KIAA0586: variants seen among roughly 807,000 people sequenced by gnomAD.
The protein encoded by KIAA0586 is protein TALPID3.
KIAA0586 carries 144 observed loss-of-function variants against 169.8 expected under a neutral mutation model. The ratio of observed to expected loss-of-function variants is 0.85; its 90% CI spans 0.74 to 0.97. The LOEUF (loss-of-function observed/expected upper bound fraction) is 0.97. Ranked by LOEUF, KIAA0586 falls within the 50% of genes least tolerant of loss-of-function variation. The pLI is 0.00. For synonymous variants in KIAA0586, 625 were observed against 612.4 expected (o/e 1.02, Z -0.30); for missense variants, 1,854 against 1,823.0 (o/e 1.02, Z -0.31).
intron 29 of KIAA0586, among the ~76,000 whole-genome samples, chr14:58,530,857 TA>T (rs2045913508): frequency 6.6e-6 from 1 of 152,040 alleles, no homozygotes; most frequent in African/African-American, 2.4e-5. Flanking sequence ...CTAATTAAAC[TA>T]AAGAGCTTCT....
chr14:58,544,405 G>A (rs1300876932), intron 30 of KIAA0586, among the ~76,000 whole-genome samples: 5 of 152,068 alleles, frequency 3.3e-5, no homozygotes, highest in Admixed American at 6.6e-5. Context: ...TTGCTGGGTC[G>A]AATGGTAGTT....
intron 21 of KIAA0586, among the ~76,000 whole-genome samples, chr14:58,483,709 T>C (rs565935441): frequency 2.0e-5 from 3 of 152,296 alleles, no homozygotes; most frequent in African/African-American, 7.2e-5. Context: ...TTAAAAAGAA[T>C]TTATAATCTA....
the KIAA0586 span, among the ~76,000 whole-genome samples, chr14:58,558,366 A>G: frequency 2.0e-5 from 3 of 152,082 alleles, no homozygotes; most frequent in African/African-American, 7.2e-5. Flanking sequence ...GTAGTTAGAA[A>G]TTTTCAGGTA....
chr14:58,458,391 C>G, intron 11 of KIAA0586, 82 bp from the exon 12 acceptor site: 1 of 726,806 alleles, frequency 1.4e-6, no homozygotes, highest in Non-Finnish European at 2.3e-6. Context: ...AGGTTCACAA[C>G]TAGATAAGAG....
intron 9 of KIAA0586, among the ~76,000 whole-genome samples, chr14:58,454,965 G>A (rs1388001216): frequency 6.6e-6 from 1 of 152,138 alleles, no homozygotes; most frequent in Admixed American, 6.5e-5. Context: ...TTGTATGTTG[G>A]TGTGCTTGAT....
chr14:58,502,057 C>G (rs1414244668), intron 27 of KIAA0586, among the ~76,000 whole-genome samples: 2 of 152,118 alleles, frequency 1.3e-5, no homozygotes, highest in Non-Finnish European at 2.9e-5. Flanking sequence ...GTTAACCAGT[C>G]CATAGGGCCG....
chr14:58,504,764 TC>T (rs1407708832), intron 27 of KIAA0586, among the ~76,000 whole-genome samples: 3 of 152,150 alleles, frequency 2.0e-5, no homozygotes, highest in African/African-American at 7.2e-5. Context: ...CACAGCAAAT[TC>T]AGCACTGTTA....
At position 58,548,632 on chromosome 14, in the gene KIAA0586, G is replaced by C. The variant is rs1428570940; in HGVS notation, c.*700G>C. On this transcript the variant is annotated 3_prime_UTR_variant, in exon 31 of 31. Coordinates refer to ENST00000652326, the MANE Select transcript of KIAA0586 (RefSeq NM_001329943.3). The stretch of plus-strand genomic sequence containing the variant: ...GGTGATAGGAGAGGCTAAGTGATAG[G>C]AATCAAGGATAATCGTGGTTACTAT... 6.6e-6 allele frequency: 1 copy of C among 152,208 alleles called. No individual in the cohort carries two copies. 9.4% of individuals were successfully genotyped at this position (152,208 alleles called of 1,614,324 possible).
intron 29 of KIAA0586, among the ~76,000 whole-genome samples, chr14:58,532,753 G>A (rs2140025754): frequency 6.6e-6 from 1 of 152,134 alleles, no homozygotes; most frequent in Non-Finnish European, 1.5e-5. Flanking sequence ...TTTTTTAATT[G>A]GAATAAATAC....
intron 4 of KIAA0586, among the ~76,000 whole-genome samples, chr14:58,440,757 A>G (rs1032728441): frequency 6.6e-6 from 1 of 152,194 alleles, no homozygotes; most frequent in Non-Finnish European, 1.5e-5. Flanking sequence ...AGAAAGATGA[A>G]TATCATGTAT....
chr14:58,428,474 C>T lies in KIAA0586; in HGVS notation c.199+11C>T, dbSNP rs188598300. On this transcript the variant is annotated intron_variant, in intron 1 of 30. Coordinates refer to ENST00000652326, the MANE Select transcript of KIAA0586 (RefSeq NM_001329943.3). ...ATGGAACATCACGTGGTATGTGATT[C>T]CATGTAGTTTTTCAACCAGTTTTAG... The T allele has an allele frequency of 1.9e-6, 3 of 1,573,994 alleles. No individual in the cohort carries two copies. The highest frequency in any genetic ancestry group is 4.5e-5 in the East Asian group (2 of 44,698).
intron 27 of KIAA0586, among the ~76,000 whole-genome samples, chr14:58,508,224 A>G (rs1047194024): frequency 4.6e-5 from 7 of 152,248 alleles, no homozygotes; most frequent in Non-Finnish European, 8.8e-5. Flanking sequence ...AAAGTATTCT[A>G]TTGACTCTTA....
intron 29 of KIAA0586, among the ~76,000 whole-genome samples, chr14:58,512,918 T>A (rs997493256): frequency 6.6e-5 from 10 of 152,206 alleles, no homozygotes; most frequent in African/African-American, 2.2e-4. Flanking sequence ...TCTTTTTATC[T>A]GTATATAGGT....
chr14:58,507,597 G>A (rs745711613), intron 27 of KIAA0586, among the ~76,000 whole-genome samples: 38 of 151,652 alleles, frequency 2.5e-4, no homozygotes, highest in Admixed American at 1.1e-3. Flanking sequence ...GTGAGAGACA[G>A]TTACAATGAT....
At chr14:58,445,783 CTTTTTTTTTT>C (rs34119416) in intron 6 of KIAA0586, among the ~76,000 whole-genome samples, 1 of 124,792 alleles carries the variant, frequency 8.0e-6, no homozygotes, top group Admixed American at 8.5e-5. Flanking sequence ...TCAGTAAACT[CTTTTTTTTTT>C]TTTTTTTTGA....
At chr14:58,482,971 A>G (rs778877448) in intron 21 of KIAA0586, among the ~76,000 whole-genome samples, 1 of 152,196 alleles carries the variant, frequency 6.6e-6, no homozygotes, top group Non-Finnish European at 1.5e-5. Flanking sequence ...CTATGATTAA[A>G]GTAACGTTTC....
At chr14:58,427,649 G>A, upstream of KIAA0586, 1 of 1,535,670 alleles carries the variant, frequency 6.5e-7, no homozygotes, top group South Asian at 1.2e-5. Context: ...TGAGTTTCTT[G>A]GCGCGCATGC....
chr14:58,530,717 A>G (rs563485118), intron 29 of KIAA0586, among the ~76,000 whole-genome samples: 1 of 152,150 alleles, frequency 6.6e-6, no homozygotes, highest in East Asian at 1.9e-4. Context: ...ACTTAAACAT[A>G]AGACCTAAAA....
At chr14:58,439,516 G>A (rs2038120095) in intron 4 of KIAA0586, among the ~76,000 whole-genome samples, 1 of 152,008 alleles carries the variant, frequency 6.6e-6, no homozygotes, top group Non-Finnish European at 1.5e-5. Context: ...TGTAAAATTA[G>A]GAAATTAGGA....
Sources: allele counts gnomAD v4.1 joint callset (sites outside exome capture counted in the v4.1 genomes callset), GRCh38; gene constraint gnomAD v4.1.1; transcripts MANE v1.5; gene names NCBI Gene and HGNC (gene_info 2026-07-23, HGNC 2026-07-21).